The following HERC2 variants were observed in gnomAD, a reference collection of about 807,000 sequenced individuals.
The protein encoded by HERC2 is E3 ubiquitin-protein ligase HERC2.
Under a neutral mutation model 537.7 loss-of-function variants are expected in HERC2, and 102 were observed. The ratio of observed to expected loss-of-function variants is 0.19; its 90% confidence interval spans 0.16 to 0.22. HERC2 has a LOEUF of 0.22. Ranked by LOEUF, HERC2 falls within the 10% of genes least tolerant of loss-of-function variation. The pLI is 1.00. For missense variants in HERC2, 4,236 were observed against 6,198.2 expected (o/e 0.68, Z 10.63); for synonymous variants, 2,224 against 2,466.2 (o/e 0.90, Z 2.91).
At chr15:28,210,887 T>C (rs1039984674) in intron 44 of HERC2, 115 bp downstream of exon 44, 54 of 1,070,032 alleles carry the variant, frequency 5.0e-5, no homozygotes, top group Middle Eastern at 3.0e-4. Flanking sequence ...GCCACATGTC[T>C]GTCTTGTACA....
At chr15:28,124,802 G>A (rs1889295690) in intron 84 of HERC2, among the ~76,000 whole-genome samples, 2 of 152,198 alleles carry the variant, frequency 1.3e-5, no homozygotes, top group African/African-American at 2.4e-5. Context: ...CGCCCACCTT[G>A]GCCTCCCAAA....
intron 79 of HERC2, 26 bp from the exon 80 acceptor site, chr15:28,132,856 G>A: frequency 6.7e-7 from 1 of 1,495,998 alleles, no homozygotes; most frequent in Non-Finnish European, 9.0e-7. Context: ...CAAATATAAT[G>A]GAAACACATT....
At chr15:28,233,620 G>GA in intron 28 of HERC2, 44 bp downstream of exon 28, 1 of 1,613,580 alleles carries the variant, frequency 6.2e-7, no homozygotes, top group East Asian at 2.2e-5. Flanking sequence ...GTTAGTCGAG[G>GA]AATCTGCAGT....
chr15:28,208,026 C>T (rs192738215), intron 44 of HERC2, among the ~76,000 whole-genome samples: 1 of 152,330 alleles, frequency 6.6e-6, no homozygotes, highest in East Asian at 1.9e-4. Flanking sequence ...GCTGTCACTG[C>T]TCATTGGGCT....
Position 28,167,774 on chromosome 15 carries a change from G to A in HERC2, c.10467C>T (p.Pro3489=). ...GGATAAAAGGCCGAGCGGAGGCTGAGGGGGCCGACGGAGTCACTGCAGAGG... is the reference window on the plus strand; with the variant it reads ...GGATAAAAGGCCGAGCGGAGGCTGAAGGGGCCGACGGAGTCACTGCAGAGG... ...VTPSAVTPSA[P]SASARPFIPV... Residue 3489 remains proline (P), a synonymous_variant, in exon 68 of 93, where the codon CCC becomes CCT. Coordinates refer to ENST00000261609, the MANE Select transcript of HERC2 (RefSeq NM_004667.6). The A allele has an allele frequency of 6.2e-7, 1 of 1,614,198 alleles. No homozygotes were observed. The highest frequency in any genetic ancestry group is 8.5e-7 in the Non-Finnish European group (1 of 1,180,032).
At chr15:28,157,016 T>C (rs1294405152) in intron 69 of HERC2, among the ~76,000 whole-genome samples, 1 of 152,246 alleles carries the variant, frequency 6.6e-6, no homozygotes, top group Non-Finnish European at 1.5e-5. Context: ...CATGTGGTTT[T>C]TGACTTTGGT....
chr15:28,214,436 T>A lies in HERC2; in HGVS notation c.6359-164A>T, dbSNP rs59126013. Reference sequence around the variant, plus strand: ...CTGAGTGACGGCACTGCGCCGCTCTTCACCAGGGCACAGGGAAGGGAGACG... The same window carrying A: ...CTGAGTGACGGCACTGCGCCGCTCTACACCAGGGCACAGGGAAGGGAGACG... On this transcript the variant is annotated intron_variant, in intron 40 of 92. Transcript: ENST00000261609. 0.018 allele frequency among the ~76,000 whole-genome samples: 2,691 copies of A among 145,618 alleles called. 70 individuals are homozygous for A. Among genetic ancestry groups the A allele is most frequent in the African/African-American group, 0.067 (2,572 of 38,450 alleles).
chr15:28,261,776 A>G (rs565995364), intron 15 of HERC2, among the ~76,000 whole-genome samples: 5 of 152,238 alleles, frequency 3.3e-5, no homozygotes, highest in Admixed American at 3.3e-4. Flanking sequence ...AACAATAAAC[A>G]CCATATGGGC....
chr15:28,307,114 C>A (rs1286632566), intron 2 of HERC2, among the ~76,000 whole-genome samples: 12 of 152,252 alleles, frequency 7.9e-5, no homozygotes. Context: ...GGATTACAGG[C>A]ATGAGCCACC....
At chr15:28,152,458 AT>A (rs1373079744) in intron 70 of HERC2, among the ~76,000 whole-genome samples, 1 of 152,220 alleles carries the variant, frequency 6.6e-6, no homozygotes, top group Non-Finnish European at 1.5e-5. Flanking sequence ...CATCTGCCTG[AT>A]TATCATGAAG....
chr15:28,299,017 A>T (rs188220622), intron 3 of HERC2, among the ~76,000 whole-genome samples: 11 of 152,122 alleles, frequency 7.2e-5, no homozygotes, highest in African/African-American at 2.4e-4. Flanking sequence ...TTAAACCTCA[A>T]TGGGGACTCT....
Position 28,111,680 on chromosome 15 carries a change from C to T in HERC2, c.*83G>A. 2.7e-6 allele frequency: 4 copies of T among 1,463,622 alleles called. No individual in the cohort carries two copies. The highest frequency in any genetic ancestry group is 3.7e-5 in the Admixed American group (2 of 54,764). 90.7% of individuals were successfully genotyped at this position (1,463,622 alleles called of 1,614,324 possible). The stretch of plus-strand genomic sequence containing the variant: ...GAGGACGGACGCTTCTCATCAGACA[C>T]ACCAGGCAGCCTACAGTCTACACAG... On this transcript the variant is annotated 3_prime_UTR_variant, in exon 93 of 93. Transcript: ENST00000261609.
At chr15:28,184,089 G>T (rs1355412238) in intron 56 of HERC2, among the ~76,000 whole-genome samples, 3 of 152,128 alleles carry the variant, frequency 2.0e-5, no homozygotes, top group African/African-American at 7.2e-5. Context: ...TACTTGGGAG[G>T]CTGAGGTGGG....
chr15:28,308,836 T>G (rs1271679504), intron 2 of HERC2, among the ~76,000 whole-genome samples: 1 of 152,238 alleles, frequency 6.6e-6, no homozygotes, highest in Non-Finnish European at 1.5e-5. Context: ...GTTGACATGA[T>G]GTATCACATC....
rs993883390 is a variant in HERC2, at chr15:28,274,582, T to G, written c.644-135A>C. Reference sequence around the variant, plus strand: ...TCAACAGGCCAAAATCTAGCGCAGCTGCTCCAGTCAATTCTGTGTTTCACG... The same window carrying G: ...TCAACAGGCCAAAATCTAGCGCAGCGGCTCCAGTCAATTCTGTGTTTCACG... On this transcript the variant is annotated intron_variant, in intron 6 of 92. Transcript: ENST00000261609. 2.1e-5 allele frequency: 18 copies of G among 866,418 alleles called. 1 individual carries two copies. The highest frequency in any genetic ancestry group is 5.4e-5 in the Admixed American group (2 of 36,828). 53.7% of individuals were successfully genotyped at this position (866,418 alleles called of 1,614,324 possible).
At chr15:28,147,496 A>C (rs1891877958) in intron 70 of HERC2, among the ~76,000 whole-genome samples, 1 of 151,432 alleles carries the variant, frequency 6.6e-6, no homozygotes, top group Non-Finnish European at 1.5e-5. Context: ...AAATTTTAAA[A>C]ATTAGCTGGG....
At position 28,142,150 on chromosome 15, in the gene HERC2, CTG is replaced by C. The variant is rs1326869040; in HGVS notation, c.11700+86_11700+87del. The C allele has an allele frequency of 1.7e-4, 249 of 1,459,886 alleles. 1 individual carries two copies. Among genetic ancestry groups the C allele is most frequent in the Middle Eastern group, 7.2e-4 (4 of 5,548 alleles). 90.4% of individuals were successfully genotyped at this position (1,459,886 alleles called of 1,614,324 possible). Reference sequence around the variant, plus strand: ...ATATTCCTTGGCAAGCGAAATTTTTCTGTGTCTCGTAATATTGGCATCTTGTT... The same window carrying C: ...ATATTCCTTGGCAAGCGAAATTTTTCTGTCTCGTAATATTGGCATCTTGTT... On this transcript the variant is annotated intron_variant, in intron 76 of 92. Transcript: ENST00000261609.
At chr15:28,142,496 G>A (rs992426929) in intron 75 of HERC2, 103 bp from the exon 76 acceptor site, 9 of 1,196,388 alleles carry the variant, frequency 7.5e-6, no homozygotes, top group Admixed American at 4.9e-5. Flanking sequence ...CCAGGATGAC[G>A]GCCATGGGCA....
At position 28,213,891 on chromosome 15, in the gene HERC2, T is replaced by C. The variant is rs1455887263; in HGVS notation, c.6637A>G (p.Ile2213Val). 1.2e-6 allele frequency: 2 copies of C among 1,613,960 alleles called. No homozygotes were observed. Among genetic ancestry groups the C allele is most frequent in the Non-Finnish European group, 1.7e-6 (2 of 1,180,022 alleles). The change falls in exon 42 of 93, where the codon ATC (isoleucine) becomes GTC (valine). Residue 2213 changes from isoleucine to valine, a missense_variant. Coordinates refer to ENST00000261609, the MANE Select transcript of HERC2 (RefSeq NM_004667.6). ...LMAVLAVIGGIDGRLRLGGQV... is the reference protein window; with the variant it reads ...LMAVLAVIGGVDGRLRLGGQV... ...CCGCCCAGGCGCAGGCGACCATCGATGCCTCCAATCACAGCCAGGACTGCC... is the reference window on the plus strand; with the variant it reads ...CCGCCCAGGCGCAGGCGACCATCGACGCCTCCAATCACAGCCAGGACTGCC...
Sources: allele counts gnomAD v4.1 joint callset (sites outside exome capture counted in the v4.1 genomes callset), GRCh38; gene constraint gnomAD v4.1.1; transcripts MANE v1.5; gene names NCBI Gene and HGNC (gene_info 2026-07-23, HGNC 2026-07-21).